TCF12: variants seen among roughly 807,000 people sequenced by gnomAD.
TCF12 encodes the protein DNA-binding protein HTF4.
TCF12 carries 45 observed loss-of-function variants against 86.0 expected under a neutral mutation model. The observed-to-expected ratio is 0.52, with a 90% CI of 0.41 to 0.67. TCF12 has a LOEUF of 0.67. TCF12 is among the 30% of genes least tolerant of loss of function. The pLI, the probability that TCF12 is intolerant of heterozygous loss-of-function variation, is 0.00. For missense variants in TCF12, 881 were observed against 859.9 expected (o/e 1.02, Z -0.31); for synonymous variants, 330 against 299.6 (o/e 1.10, Z -1.05).
At chr15:57,053,597 T>C (rs1475521462) in intron 3 of TCF12, among the ~76,000 whole-genome samples, 1 of 150,634 alleles carries the variant, frequency 6.6e-6, no homozygotes, top group Non-Finnish European at 1.5e-5. Context: ...CAGAGGTAAA[T>C]ATAACCTGTA....
At chr15:57,128,049 C>G (rs531003669) in intron 5 of TCF12, among the ~76,000 whole-genome samples, 4 of 152,212 alleles carry the variant, frequency 2.6e-5, no homozygotes, top group African/African-American at 9.6e-5. Flanking sequence ...TGATCCATGA[C>G]TGACTCATTT....
At position 57,110,143 on chromosome 15, in the gene TCF12, C is replaced by G. The variant is rs182174468; in HGVS notation, c.325+18252C>G. On this transcript the variant is annotated intron_variant, in intron 5 of 20. Transcript: ENST00000333725. ...GATAGCATAACAATGTATAATATAT[C>G]TGATTACTGTCATAATTGACTACCT... Among the ~76,000 whole-genome samples, 56 of 152,288 alleles carry G rather than the reference C, an allele frequency of 3.7e-4. No individual in the cohort carries two copies. In the East Asian group the frequency reaches 9.8e-3, roughly 27 times the overall value.
At chr15:56,927,304 C>T (rs1359217465) in intron 3 of TCF12, among the ~76,000 whole-genome samples, 1 of 152,100 alleles carries the variant, frequency 6.6e-6, no homozygotes, top group Non-Finnish European at 1.5e-5. Context: ...AATACATAGT[C>T]ATAATTGAAA....
rs545657027 is a variant in TCF12, at chr15:56,924,615, C to T, written c.148+3517C>T. On this transcript the variant is annotated intron_variant, in intron 3 of 20. Transcript: ENST00000333725. The stretch of plus-strand genomic sequence containing the variant: ...ATATTAGTGTTGAAATTTATAATAG[C>T]TATAATTTGTAGTAAATACATACTT... Among the ~76,000 whole-genome samples, 243 of 152,178 alleles carry T rather than the reference C, an allele frequency of 1.6e-3. 1 individual carries two copies. Among genetic ancestry groups the T allele is most frequent in the African/African-American group, 5.6e-3 (233 of 41,520 alleles).
intron 4 of TCF12, among the ~76,000 whole-genome samples, chr15:57,083,013 A>T (rs1335731865): frequency 6.6e-6 from 1 of 152,212 alleles, no homozygotes; most frequent in Non-Finnish European, 1.5e-5. Context: ...TTGTCAGCAT[A>T]CATCAGTCTT....
intron 5 of TCF12, among the ~76,000 whole-genome samples, chr15:57,152,422 G>T (rs1176757452): frequency 6.6e-6 from 1 of 152,096 alleles, no homozygotes; most frequent in East Asian, 1.9e-4. Flanking sequence ...ATCAGACAAA[G>T]ATTTGAAAAT....
intron 5 of TCF12, among the ~76,000 whole-genome samples, chr15:57,138,451 C>G (rs773501035): frequency 1.2e-4 from 18 of 152,136 alleles, no homozygotes; most frequent in Admixed American, 2.0e-4. Context: ...GTGGGTTTGC[C>G]TGGGGAGTCT....
At position 57,208,380 on chromosome 15, in the gene TCF12, C is replaced by CTTTTTTTTTTTTTTTTTTTTTTTTT. The variant is rs1184422578; in HGVS notation, c.579+10574_579+10575insTTTTTTTTTTTTTTTTTTTTTTTTT. Among the ~76,000 whole-genome samples the CTTTTTTTTTTTTTTTTTTTTTTTTT allele has an allele frequency of 5.0e-4, 33 of 65,586 alleles. 3 individuals carry two copies. Among genetic ancestry groups the CTTTTTTTTTTTTTTTTTTTTTTTTT allele is most frequent in the African/African-American group, 1.5e-3 (23 of 14,842 alleles). The allele number at this position is 65,586 out of a possible 152,430, so 43.0% of individuals were successfully genotyped here. A position where few individuals can be genotyped will look rare whatever the true frequency, so the allele number is the denominator to read the frequency against. The stretch of plus-strand genomic sequence containing the variant: ...ACCTTGTTCTTTGGACAAAAATATC[C>CTTTTTTTTTTTTTTTTTTTTTTTTT]TTTTTTTTTTTTTTTTTTTGGAGAC... On this transcript the variant is annotated intron_variant, in intron 8 of 20. Coordinates refer to ENST00000333725, the MANE Select transcript of TCF12 (RefSeq NM_207037.2).
intron 7 of TCF12, among the ~76,000 whole-genome samples, chr15:57,197,152 CTTTTTT>C (rs138145337): frequency 2.3e-5 from 2 of 87,256 alleles, no homozygotes; most frequent in Admixed American, 1.7e-4. Context: ...AGAACAGCTT[CTTTTTT>C]TTTTTTTTTT....
At chr15:57,142,362 T>A (rs1332158861) in intron 5 of TCF12, among the ~76,000 whole-genome samples, 1 of 129,610 alleles carries the variant, frequency 7.7e-6, no homozygotes, top group Non-Finnish European at 1.7e-5. Context: ...TATAACTGTG[T>A]TACATATATA....
chr15:57,096,043 A>G (rs1203018246), intron 5 of TCF12, among the ~76,000 whole-genome samples: 1 of 152,144 alleles, frequency 6.6e-6, no homozygotes. Flanking sequence ...ATTAGGCCAC[A>G]CTGTTTAGGT....
chr15:57,063,416 C>T (rs1222360512), intron 3 of TCF12, among the ~76,000 whole-genome samples: 1 of 152,062 alleles, frequency 6.6e-6, no homozygotes, highest in Non-Finnish European at 1.5e-5. Context: ...AGTACTAAAC[C>T]AGACAAAGTT....
chr15:57,252,513 T>C, intron 15 of TCF12, 21 bp downstream of exon 15: 1 of 1,602,374 alleles, frequency 6.2e-7, no homozygotes, highest in African/African-American at 1.3e-5. Flanking sequence ...TTTTAGATGG[T>C]GCCTTTTTTG....
chr15:57,246,573 CT>C (rs1204321257), intron 13 of TCF12, among the ~76,000 whole-genome samples: 242 of 147,016 alleles, frequency 1.6e-3, no homozygotes, highest in Non-Finnish European at 9.9e-4. Flanking sequence ...GACCGTCTCT[CT>C]TTTTTTTTTT....
At chr15:57,123,131 G>T (rs1400738058) in intron 5 of TCF12, among the ~76,000 whole-genome samples, 2 of 152,122 alleles carry the variant, frequency 1.3e-5, no homozygotes, top group Non-Finnish European at 2.9e-5. Context: ...TTTCTTTCTT[G>T]TTAAATTCAA....
chr15:57,262,374 AG>A (rs1187594365), intron 17 of TCF12, among the ~76,000 whole-genome samples, 166 bp downstream of exon 17: 38 of 152,254 alleles, frequency 2.5e-4, no homozygotes, highest in African/African-American at 9.1e-4. Flanking sequence ...TGGCCCACCT[AG>A]GTTGACAATT....
intron 19 of TCF12, among the ~76,000 whole-genome samples, chr15:57,277,970 C>T (rs913537947): frequency 1.1e-4 from 17 of 151,772 alleles, no homozygotes; most frequent in African/African-American, 3.4e-4. Context: ...ATCAGATATG[C>T]AAATCCTTTA....
chr15:57,123,982 A>AAAAAAAAAAAAAAAAAAAAT (rs1555511574), intron 5 of TCF12, among the ~76,000 whole-genome samples: 4 of 111,268 alleles, frequency 3.6e-5, no homozygotes, highest in African/African-American at 1.2e-4. Flanking sequence ...AAAAAAAAAA[A>AAAAAAAAAAAAAAAAAAAAT]TTTTTTTTTT....
intron 3 of TCF12, among the ~76,000 whole-genome samples, chr15:57,055,039 A>C (rs1317540047): frequency 6.6e-6 from 1 of 151,734 alleles, no homozygotes; most frequent in Non-Finnish European, 1.5e-5. Context: ...TTAAAGGAAA[A>C]ATTAGTCTTT....
Sources: allele counts gnomAD v4.1 joint callset (sites outside exome capture counted in the v4.1 genomes callset), GRCh38; gene constraint gnomAD v4.1.1; transcripts MANE v1.5; gene names NCBI Gene and HGNC (gene_info 2026-07-23, HGNC 2026-07-21).